The following LRRC69 variants were observed in gnomAD, a reference collection of about 807,000 sequenced individuals.
The protein encoded by LRRC69 is leucine rich repeat containing 69.
LRRC69 carries 42 observed loss-of-function variants against 37.8 expected under a neutral mutation model. The observed-to-expected ratio is 1.11, with a 90% CI of 0.87 to 1.44. The LOEUF (loss-of-function observed/expected upper bound fraction) is 1.44, where lower values mean the gene tolerates loss of function less well. LRRC69 is among the 40% of genes most tolerant of loss of function. The pLI, the probability that LRRC69 is intolerant of heterozygous loss-of-function variation, is 0.00. For missense variants in LRRC69, 357 were observed against 401.9 expected, an observed-to-expected ratio of 0.89 and a Z score of 0.96; for synonymous variants, 141 against 143.1, an observed-to-expected ratio of 0.99 and a Z score of 0.11.
chr8:91,113,006 A>T (rs1421819922), intron 1 of LRRC69, among the ~76,000 whole-genome samples: 3 of 152,004 alleles, frequency 2.0e-5, no homozygotes, highest in African/African-American at 7.2e-5. Context: ...ACTCACAAAC[A>T]ACCAAACAGG....
At chr8:91,173,250 C>T (rs927041198) in intron 5 of LRRC69, among the ~76,000 whole-genome samples, 1 of 151,890 alleles carries the variant, frequency 6.6e-6, no homozygotes, top group African/African-American at 2.4e-5. Flanking sequence ...TCCCTGATCC[C>T]ATTATTCTCT....
rs553465414 is a variant in LRRC69 at position 91,196,312 on chromosome 8, A to C, written c.754-4301A>C. ...TCATTTCAAGTTTGGTGAATCTGAC[A>C]ATTATGTGTCTTGGAGTTGCTCTTC... On this transcript the variant is annotated intron_variant, in intron 6 of 7. Coordinates refer to ENST00000448384, the Ensembl canonical transcript of LRRC69. 4.6e-5 allele frequency among the ~76,000 whole-genome samples: 7 copies of C among 151,672 alleles called. No individual in the cohort carries two copies. In the East Asian group the frequency reaches 9.7e-4, roughly 21 times the overall value.
intron 6 of LRRC69, 22 bp from the exon 7 acceptor site, chr8:91,200,591 T>A (rs1809694338): frequency 3.6e-6 from 5 of 1,380,328 alleles, no homozygotes; most frequent in African/African-American, 1.5e-5. Context: ...TCTGAGGAAC[T>A]GTATTTTTTT....
intron 5 of LRRC69, among the ~76,000 whole-genome samples, chr8:91,159,088 A>C (rs559280487): frequency 6.6e-6 from 1 of 151,274 alleles, no homozygotes; most frequent in African/African-American, 2.4e-5. Context: ...CCTCAAAGGA[A>C]CACTATTAAG....
intron 5 of LRRC69, among the ~76,000 whole-genome samples, chr8:91,162,969 T>C (rs1193536509): frequency 6.6e-6 from 1 of 151,306 alleles, no homozygotes; most frequent in Non-Finnish European, 1.5e-5. Flanking sequence ...TTGTTGGTTC[T>C]TTTTCAAATC....
At chr8:91,192,563 T>C (rs1455063239) in intron 6 of LRRC69, among the ~76,000 whole-genome samples, 11 of 151,654 alleles carry the variant, frequency 7.3e-5, no homozygotes, top group African/African-American at 9.7e-5. Context: ...TGGTATCTCA[T>C]TGTGGTTTTG....
At chr8:91,111,561 G>A (rs967844716) in intron 1 of LRRC69, among the ~76,000 whole-genome samples, 4 of 151,914 alleles carry the variant, frequency 2.6e-5, no homozygotes, top group Non-Finnish European at 5.9e-5. Context: ...AAATAAAAAT[G>A]AGATTATGTC....
intron 5 of LRRC69, among the ~76,000 whole-genome samples, chr8:91,150,669 C>T (rs1808717882): frequency 6.6e-6 from 1 of 151,876 alleles, no homozygotes; most frequent in Non-Finnish European, 1.5e-5. Flanking sequence ...GGTACCAGCT[C>T]CTCTTTGTAC....
intron 4 of LRRC69, among the ~76,000 whole-genome samples, chr8:91,133,955 A>G (rs1025996082): frequency 6.6e-6 from 1 of 151,956 alleles, no homozygotes; most frequent in Non-Finnish European, 1.5e-5. Context: ...TTAAGTGAGC[A>G]TTATATATTT....
chr8:91,155,319 C>A (rs1287661410), intron 5 of LRRC69, among the ~76,000 whole-genome samples: 3 of 150,852 alleles, frequency 2.0e-5, no homozygotes, highest in Non-Finnish European at 4.5e-5. Flanking sequence ...CTATTACATA[C>A]CTCCATCTTT....
At chr8:91,122,266 A>G (rs1480400385) in intron 1 of LRRC69, among the ~76,000 whole-genome samples, 1 of 152,050 alleles carries the variant, frequency 6.6e-6, no homozygotes, top group Non-Finnish European at 1.5e-5. Context: ...TTCTGTTAAC[A>G]GAGGCACTGG....
At chr8:91,146,943 G>A (rs774728795) in intron 5 of LRRC69, among the ~76,000 whole-genome samples, 2 of 151,444 alleles carry the variant, frequency 1.3e-5, no homozygotes, top group South Asian at 2.1e-4. Context: ...TAATGCATAG[G>A]ACAGTCCCCC....
At chr8:91,154,369 A>G (rs1363611800) in intron 5 of LRRC69, among the ~76,000 whole-genome samples, 1 of 151,832 alleles carries the variant, frequency 6.6e-6, no homozygotes, top group Non-Finnish European at 1.5e-5. Flanking sequence ...CTCCTCCCTA[A>G]CTCATTTTGT....
At chr8:91,211,825 C>A (rs952810549) in intron 7 of LRRC69, among the ~76,000 whole-genome samples, 6 of 151,662 alleles carry the variant, frequency 4.0e-5, no homozygotes, top group Non-Finnish European at 8.8e-5. Flanking sequence ...GGTTTACACT[C>A]AAAGGAGGGA....
chr8:91,191,047 C>G lies in LRRC69; in HGVS notation c.753+1424C>G, dbSNP rs921448980. Among the ~76,000 whole-genome samples, 16 of 143,870 alleles carry G rather than the reference C, an allele frequency of 1.1e-4. 1 individual carries two copies. Among genetic ancestry groups the G allele is most frequent in the African/African-American group, 2.3e-4 (9 of 39,808 alleles). 94.4% of individuals were successfully genotyped at this position (143,870 alleles called of 152,430 possible). On this transcript the variant is annotated intron_variant, in intron 6 of 7. Coordinates refer to ENST00000448384, the Ensembl canonical transcript of LRRC69. ...GAGCAGGATCCTGTCTCAAACCCCC[C>G]CCCCCCCAAGTCAAAAAGCAACAAC...
intron 5 of LRRC69, among the ~76,000 whole-genome samples, chr8:91,163,915 T>G (rs1193883254): frequency 6.6e-6 from 1 of 151,330 alleles, no homozygotes; most frequent in East Asian, 1.9e-4. Context: ...GGAATATATA[T>G]TAAAATACAA....
chr8:91,157,867 T>A, intron 5 of LRRC69: 2 of 1,602,558 alleles, frequency 1.2e-6, no homozygotes, highest in Non-Finnish European at 1.7e-6. Flanking sequence ...ATGTTTCAAA[T>A]GCATTTTTAG....
chr8:91,166,492 GAAAAAAAAAAA>G (rs66705016), intron 5 of LRRC69, among the ~76,000 whole-genome samples: 2 of 95,298 alleles, frequency 2.1e-5, no homozygotes, highest in South Asian at 3.1e-4. Context: ...AAAATAAACT[GAAAAAAAAAAA>G]AAAAAAAAAA....
intron 5 of LRRC69, among the ~76,000 whole-genome samples, chr8:91,185,363 CTG>C (rs35797312): frequency 2.7e-5 from 4 of 150,400 alleles, no homozygotes; most frequent in Non-Finnish European, 4.4e-5. Flanking sequence ...CTCTCTCTAT[CTG>C]TGTGTGTGTG....
Sources: allele counts gnomAD v4.1 joint callset (sites outside exome capture counted in the v4.1 genomes callset), GRCh38; gene constraint gnomAD v4.1.1; transcripts MANE v1.5; gene names NCBI Gene and HGNC (gene_info 2026-07-23, HGNC 2026-07-21).